Variants in NCAM1 observed in about 807,000 individuals in gnomAD.
NCAM1 encodes the protein neural cell adhesion molecule 1, also known as antigen recognized by monoclonal antibody 5.1H11.
A neutral mutation model predicts 109.8 loss-of-function variants in NCAM1; 14 were observed. That is an observed-to-expected ratio of 0.13 (90% CI 0.08 to 0.20). The LOEUF (loss-of-function observed/expected upper bound fraction) is 0.20. Ranked by LOEUF, NCAM1 falls within the 10% of genes least tolerant of loss-of-function variation. The probability of loss-of-function intolerance (pLI) is 1.00; values close to 1 mark genes in which losing one functional copy is unlikely to be tolerated. For synonymous variants in NCAM1, 418 were observed against 442.9 expected, an observed-to-expected ratio of 0.94 and a Z score of 0.70; for missense variants, 774 against 1,109.9, an observed-to-expected ratio of 0.70 and a Z score of 4.30.
intron 1 of NCAM1, among the ~76,000 whole-genome samples, chr11:113,044,263 C>A (rs1953184551): frequency 1.3e-5 from 2 of 152,042 alleles, no homozygotes; most frequent in African/African-American, 2.4e-5. Context: ...GATCTAGTAA[C>A]CTTCATTTGA....
intron 1 of NCAM1, among the ~76,000 whole-genome samples, chr11:113,171,452 C>G (rs563112105): frequency 1.3e-5 from 2 of 151,962 alleles, no homozygotes; most frequent in South Asian, 4.2e-4. Flanking sequence ...GCCAAGATGG[C>G]GAAACCCCGT....
intron 14 of NCAM1, chr11:113,236,361 A>G: frequency 6.3e-7 from 1 of 1,596,056 alleles, no homozygotes; most frequent in Non-Finnish European, 8.6e-7. Flanking sequence ...TAGCGTTAAC[A>G]TCTGCTAGTT....
chr11:112,967,534 C>G (rs868957578), intron 1 of NCAM1, among the ~76,000 whole-genome samples: 2 of 152,184 alleles, frequency 1.3e-5, no homozygotes, highest in African/African-American at 4.8e-5. Flanking sequence ...TCAGTTTCCT[C>G]TTCCGTGAGA....
intron 1 of NCAM1, among the ~76,000 whole-genome samples, chr11:113,037,229 T>C (rs1007345104): frequency 2.5e-4 from 38 of 152,208 alleles, no homozygotes; most frequent in Middle Eastern, 3.2e-3. Context: ...AGGACGTTAT[T>C]ATCAGCCACC....
At chr11:113,147,362 A>G (rs1555101499) in intron 1 of NCAM1, among the ~76,000 whole-genome samples, 2 of 152,268 alleles carry the variant, frequency 1.3e-5, no homozygotes, top group African/African-American at 2.4e-5. Flanking sequence ...TGAGGATAAA[A>G]CAAAACAAAA....
At chr11:113,266,671 T>C (rs1946139528) in intron 17 of NCAM1, among the ~76,000 whole-genome samples, 1 of 152,176 alleles carries the variant, frequency 6.6e-6, no homozygotes, top group Non-Finnish European at 1.5e-5. Flanking sequence ...TTCTGAATTG[T>C]TAACAAACAC....
intron 1 of NCAM1, among the ~76,000 whole-genome samples, chr11:113,053,223 C>T (rs541744832): frequency 1.3e-5 from 2 of 152,162 alleles, no homozygotes; most frequent in Non-Finnish European, 2.9e-5. Flanking sequence ...CATGTTCCTG[C>T]AAAGGACATG....
chr11:113,151,738 G>A (rs1555102484), intron 1 of NCAM1, among the ~76,000 whole-genome samples: 1 of 152,366 alleles, frequency 6.6e-6, no homozygotes, highest in South Asian at 2.1e-4. Context: ...GCAGAGCCAG[G>A]CCCATACCAG....
chr11:113,262,966 T>G, intron 17 of NCAM1: 1 of 1,596,980 alleles, frequency 6.3e-7, no homozygotes, highest in Non-Finnish European at 8.5e-7. Flanking sequence ...AAAGCCCAGT[T>G]CCTATGAAAA....
chr11:113,119,082 A>G (rs1234368865), intron 1 of NCAM1, among the ~76,000 whole-genome samples: 2 of 151,984 alleles, frequency 1.3e-5, no homozygotes, highest in Admixed American at 1.3e-4. Context: ...AAGACAAAGC[A>G]AAAGAGGGGA....
chr11:112,992,883 C>T (rs1951502112), intron 1 of NCAM1, among the ~76,000 whole-genome samples: 1 of 152,150 alleles, frequency 6.6e-6, no homozygotes, highest in African/African-American at 2.4e-5. Flanking sequence ...AATATTTTCT[C>T]TACTCCATTT....
At chr11:113,178,217 A>G (rs569296423) in intron 1 of NCAM1, among the ~76,000 whole-genome samples, 4 of 152,298 alleles carry the variant, frequency 2.6e-5, no homozygotes, top group Admixed American at 1.3e-4. Context: ...AGTGAACCTG[A>G]GAGCAGAAGA....
chr11:112,979,227 AG>A (rs1951085234), intron 1 of NCAM1, among the ~76,000 whole-genome samples: 1 of 134,562 alleles, frequency 7.4e-6, no homozygotes, highest in Non-Finnish European at 1.6e-5. Context: ...AGAACAAAAA[AG>A]AAAAAAAAAC....
At position 113,003,492 on chromosome 11, in the gene NCAM1, T is replaced by TA. The variant is rs545114266; in HGVS notation, c.52+41830dup. ...CAGATGTTGCTTGAGTTTAAGCTGT[T>TA]AAGGTACCCTGACTTTGTGAACCAC... On this transcript the variant is annotated intron_variant, in intron 1 of 19. Coordinates refer to ENST00000316851, the MANE Select transcript of NCAM1 (RefSeq NM_181351.5). Among the ~76,000 whole-genome samples, 19 of 152,366 alleles carry TA rather than the reference T, an allele frequency of 1.2e-4. 1 individual carries two copies. The South Asian group carries it at 3.1e-3, about 25-fold the overall frequency.
intron 1 of NCAM1, among the ~76,000 whole-genome samples, chr11:113,173,912 G>T (rs1555106651): frequency 6.6e-6 from 1 of 151,892 alleles, no homozygotes; most frequent in African/African-American, 2.4e-5. Context: ...CTTCTAGCTA[G>T]CTCAATGCCA....
At chr11:113,180,704 C>G (rs1268452672) in intron 1 of NCAM1, among the ~76,000 whole-genome samples, 1 of 152,212 alleles carries the variant, frequency 6.6e-6, no homozygotes, top group Non-Finnish European at 1.5e-5. Flanking sequence ...TCTGAGGCCT[C>G]ACTGCGTTAT....
chr11:113,169,703 C>T (rs980229044), intron 1 of NCAM1, among the ~76,000 whole-genome samples: 1 of 151,206 alleles, frequency 6.6e-6, no homozygotes, highest in East Asian at 2.0e-4. Context: ...TCTCGGCTCA[C>T]TGCAACCTCG....
chr11:113,242,998 G>T (rs1343615381), intron 14 of NCAM1: 2 of 985,092 alleles, frequency 2.0e-6, no homozygotes, highest in Non-Finnish European at 2.4e-6. Context: ...GGTTTCCTAA[G>T]CATGCCGTCT....
intron 1 of NCAM1, among the ~76,000 whole-genome samples, chr11:113,147,812 G>T (rs782363957): frequency 1.3e-4 from 20 of 152,168 alleles, no homozygotes; most frequent in Non-Finnish European, 1.9e-4. Flanking sequence ...GCCATTTACA[G>T]TTTCATATAG....
Sources: gnomAD v4.1 joint callset for allele counts (sites outside exome capture counted in the v4.1 genomes callset) on GRCh38, gnomAD v4.1.1 for gene constraint, MANE v1.5 for transcripts, NCBI Gene and HGNC (gene_info 2026-07-23, HGNC 2026-07-21) for gene names.